LMF1: variants seen among roughly 807,000 people sequenced by gnomAD.
LMF1 encodes the protein lipase maturation factor 1, also known as transmembrane protein 112.
A neutral mutation model predicts 60.6 loss-of-function variants in LMF1; 68 were observed. The observed-to-expected ratio is 1.12, with a 90% confidence interval of 0.92 to 1.37. The LOEUF (loss-of-function observed/expected upper bound fraction) is 1.37. LMF1 is among the 40% of genes most tolerant of loss of function. The pLI, the probability that LMF1 is intolerant of heterozygous loss-of-function variation, is 0.00. For missense variants in LMF1, 948 were observed against 767.2 expected (o/e 1.24, Z -2.78); for synonymous variants, 418 against 324.7 (o/e 1.29, Z -3.09).
chr16:905,054 C>T (rs1416699375), intron 4 of LMF1: 7 of 106,588 alleles, frequency 6.6e-5, no homozygotes, highest in South Asian at 2.9e-4. Context: ...CCCGTGGGGA[C>T]GCCTGTCTCT....
chr16:880,028 C>T (rs532742795), intron 5 of LMF1, among the ~76,000 whole-genome samples: 21 of 152,308 alleles, frequency 1.4e-4, no homozygotes, highest in East Asian at 5.8e-4. Flanking sequence ...CTGTAAACCC[C>T]GTGCCCAACT....
intron 6 of LMF1, among the ~76,000 whole-genome samples, chr16:876,414 C>T (rs534955485): frequency 5.9e-5 from 9 of 152,272 alleles, no homozygotes; most frequent in African/African-American, 1.9e-4. Context: ...TTTGTCGGAG[C>T]TCACAGAATG....
At chr16:976,512 G>T (rs773358945) in intron 1 of LMF1, 3 of 454,116 alleles carry the variant, frequency 6.6e-6, no homozygotes, top group South Asian at 4.7e-5. Flanking sequence ...TCTCTGGGAG[G>T]TCCTTGGTGC....
At chr16:861,814 C>A (rs904564221) in intron 10 of LMF1, among the ~76,000 whole-genome samples, 1 of 152,206 alleles carries the variant, frequency 6.6e-6, no homozygotes, top group Non-Finnish European at 1.5e-5. Flanking sequence ...GCTTCCAGCA[C>A]CATGCCGGAT....
At chr16:876,007 T>C (rs1420328356) in intron 6 of LMF1, among the ~76,000 whole-genome samples, 1 of 152,162 alleles carries the variant, frequency 6.6e-6, no homozygotes, top group African/African-American at 2.4e-5. Flanking sequence ...CACCCCTCCC[T>C]GGGTGGCAGT....
chr16:981,333 AGAGAGAGAGAGAGAGTGTGT>A (rs1472232277), upstream of LMF1: 22 of 330,902 alleles, frequency 6.6e-5, no homozygotes, highest in Admixed American at 1.5e-4. Context: ...AGAGAGAGAG[AGAGAGAGAGAGAGAGTGTGT>A]GTGTGTGTGT....
chr16:924,600 C>T (rs1160171047), intron 3 of LMF1, among the ~76,000 whole-genome samples: 3 of 152,174 alleles, frequency 2.0e-5, no homozygotes, highest in Non-Finnish European at 4.4e-5. Flanking sequence ...CGGCCACTGT[C>T]AGGGGCAGCC....
chr16:876,149 A>G (rs2069965730), intron 6 of LMF1, among the ~76,000 whole-genome samples: 1 of 152,210 alleles, frequency 6.6e-6, no homozygotes, highest in Non-Finnish European at 1.5e-5. Context: ...TGGAGAAACA[A>G]ACCGGGGCAC....
chr16:963,990 C>T (rs1207902730), intron 1 of LMF1: 9 of 454,700 alleles, frequency 2.0e-5, no homozygotes, highest in African/African-American at 4.0e-5. Context: ...CTACCCCACA[C>T]GGGAGGCAGC....
intron 3 of LMF1, among the ~76,000 whole-genome samples, chr16:928,494 C>T (rs961145116): frequency 6.6e-6 from 1 of 152,174 alleles, no homozygotes; most frequent in Admixed American, 6.5e-5. Flanking sequence ...CCACTTCCTA[C>T]AAAGGAATAT....
chr16:964,092 G>A (rs545843210), intron 1 of LMF1: 8 of 456,012 alleles, frequency 1.8e-5, no homozygotes, highest in African/African-American at 8.0e-5. Context: ...CGTGTCGCCC[G>A]AGCAGCCAAC....
intron 10 of LMF1, among the ~76,000 whole-genome samples, chr16:860,131 C>T (rs571959037): frequency 6.6e-6 from 1 of 152,128 alleles, no homozygotes; most frequent in South Asian, 2.1e-4. Context: ...TTACATATTC[C>T]AGATTTTAGA....
At chr16:870,187 A>C in intron 8 of LMF1, 121 bp from the exon 9 acceptor site, 3 of 1,117,784 alleles carry the variant, frequency 2.7e-6, no homozygotes, top group Non-Finnish European at 3.8e-6. Context: ...TACAGCCTCC[A>C]CCTGCCTCCT....
chr16:965,172 G>T (rs2072899450), intron 1 of LMF1, among the ~76,000 whole-genome samples: 1 of 152,248 alleles, frequency 6.6e-6, no homozygotes, highest in African/African-American at 2.4e-5. Flanking sequence ...CAAGCGGTGG[G>T]TTCTGTGTGG....
At chr16:907,103 T>C (rs1421044070) in intron 4 of LMF1, among the ~76,000 whole-genome samples, 2 of 152,224 alleles carry the variant, frequency 1.3e-5, no homozygotes, top group African/African-American at 4.8e-5. Context: ...TCCCAGCATA[T>C]AGAAATATAA....
chr16:894,610 C>A (rs2070610082), intron 4 of LMF1, among the ~76,000 whole-genome samples: 1 of 152,342 alleles, frequency 6.6e-6, no homozygotes, highest in Non-Finnish European at 1.5e-5. Flanking sequence ...GACGCAGTGG[C>A]ACATAAAGGA....
chr16:922,932 TGTG>T (rs2071481537), intron 3 of LMF1, among the ~76,000 whole-genome samples: 1 of 107,624 alleles, frequency 9.3e-6, no homozygotes, highest in African/African-American at 5.3e-5. Flanking sequence ...TCGGGTGTGA[TGTG>T]GTGTTGGTGT....
At chr16:974,200 T>A (rs756060697), upstream of LMF1, among the ~76,000 whole-genome samples, 1 of 152,184 alleles carries the variant, frequency 6.6e-6, no homozygotes, top group Admixed American at 6.5e-5. Context: ...GTGTGTCTTA[T>A]TCTCTAAGAA....
At chr16:893,727 G>A (rs368545208) in intron 4 of LMF1, among the ~76,000 whole-genome samples, 64 of 152,030 alleles carry the variant, frequency 4.2e-4, no homozygotes, top group Non-Finnish European at 8.5e-4. Context: ...TCTGGGGAAG[G>A]GTCGGCTCCC....
Sources: allele counts gnomAD v4.1 joint callset (sites outside exome capture counted in the v4.1 genomes callset), GRCh38; gene constraint gnomAD v4.1.1; transcripts MANE v1.5; gene names NCBI Gene and HGNC (gene_info 2026-07-23, HGNC 2026-07-21).